Variants in ALDH8A1 observed in about 807,000 individuals in gnomAD.
ALDH8A1 encodes the protein aldehyde dehydrogenase 8 family member A1.
A neutral mutation model predicts 43.3 loss-of-function variants in ALDH8A1; 39 were observed. The ratio of observed to expected loss-of-function variants is 0.90; its 90% CI spans 0.70 to 1.18. The LOEUF is 1.18. Ranked by LOEUF, ALDH8A1 falls within the 50% of genes most tolerant of loss-of-function variation. The pLI, the probability that ALDH8A1 is intolerant of heterozygous loss-of-function variation, is 0.00. For synonymous variants in ALDH8A1, 233 were observed against 243.5 expected, an observed-to-expected ratio of 0.96 and a Z score of 0.40; for missense variants, 605 against 622.6, an observed-to-expected ratio of 0.97 and a Z score of 0.30.
intron 4 of ALDH8A1, among the ~76,000 whole-genome samples, chr6:134,936,983 G>A (rs1190340097): frequency 6.6e-6 from 1 of 152,032 alleles, no homozygotes; most frequent in Non-Finnish European, 1.5e-5. Flanking sequence ...GCTTGGCAGG[G>A]TGGCAACAAG....
At chr6:134,941,639 C>T (rs751115051) in intron 3 of ALDH8A1, among the ~76,000 whole-genome samples, 4 of 152,094 alleles carry the variant, frequency 2.6e-5, no homozygotes, top group Admixed American at 6.5e-5. Context: ...ATCCGCCAAT[C>T]TTGGCCTCCC....
chr6:134,926,092 A>G (rs1198354660), intron 6 of ALDH8A1, among the ~76,000 whole-genome samples: 1 of 152,196 alleles, frequency 6.6e-6, no homozygotes, highest in South Asian at 2.1e-4. Flanking sequence ...GGGTATGACC[A>G]TACACAGCAT....
rs145223509 is a variant in ALDH8A1 at position 134,948,639 on chromosome 6, G to C, written c.138+1277C>G. ...TTCCTGAGTGATGTTTTGGAAATTG[G>C]ACATGCAGTTTGTATGGTAACCATA... On this transcript the variant is annotated intron_variant, in intron 1 of 6. Transcript: ENST00000265605. Among the ~76,000 whole-genome samples the C allele has an allele frequency of 9.9e-4, 151 of 152,308 alleles. 1 individual carries two copies. The highest frequency in any genetic ancestry group is 3.4e-3 in the Middle Eastern group (1 of 294).
At chr6:134,942,985 T>C (rs1294729502) in intron 2 of ALDH8A1, among the ~76,000 whole-genome samples, 3 of 152,240 alleles carry the variant, frequency 2.0e-5, no homozygotes, top group Non-Finnish European at 4.4e-5. Flanking sequence ...AATGTGTATT[T>C]CATGACCTCC....
chr6:134,928,896 T>C (rs992099886), intron 6 of ALDH8A1, among the ~76,000 whole-genome samples, 158 bp downstream of exon 6: 2 of 152,234 alleles, frequency 1.3e-5, no homozygotes, highest in Non-Finnish European at 2.9e-5. Context: ...ATATCCACAA[T>C]GTTTAGACTC....
intron 3 of ALDH8A1, chr6:134,940,137 T>C (rs1263794032): frequency 6.1e-6 from 2 of 326,812 alleles, no homozygotes; most frequent in Admixed American, 4.0e-5. Flanking sequence ...AATAGCTAGG[T>C]GATGGGTTGA....
chr6:134,929,077 T>C lies in ALDH8A1; in HGVS notation c.988A>G (p.Ile330Val). ...ACTTTCTCCAAATGTGCTTTACTTA[T>C]CAGAGCACCTATGCTCACCAGTGGA... ...SDPLVSIGAL[I>V]SKAHLEKVRS... The change falls in exon 6 of 7, where the codon ATA (isoleucine) becomes GTA (valine). Residue 330 changes from isoleucine to valine, a missense_variant. Transcript: ENST00000265605. The C allele has an allele frequency of 1.2e-6, 2 of 1,614,100 alleles. No homozygotes were observed. Among genetic ancestry groups the C allele is most frequent in the Non-Finnish European group, 1.7e-6 (2 of 1,180,022 alleles).
At chr6:134,939,442 CTGT>C in intron 3 of ALDH8A1, 27 bp from the exon 4 acceptor site, 1 of 1,609,388 alleles carries the variant, frequency 6.2e-7, no homozygotes, top group South Asian at 1.1e-5. Flanking sequence ...GAAGCACTGC[CTGT>C]GACGGCATAC....
intron 5 of ALDH8A1, among the ~76,000 whole-genome samples, chr6:134,931,978 C>T (rs1211939884): frequency 6.6e-6 from 1 of 152,202 alleles, no homozygotes; most frequent in Non-Finnish European, 1.5e-5. Flanking sequence ...CATTTCACTG[C>T]TGTTTCCTTC....
chr6:134,918,924 A>G, intron 6 of ALDH8A1, 57 bp from the exon 7 acceptor site: 2 of 1,545,562 alleles, frequency 1.3e-6, no homozygotes. Context: ...CACACAAATC[A>G]GCAGAAAATT....
chr6:134,928,151 C>T (rs920833199), intron 6 of ALDH8A1, among the ~76,000 whole-genome samples: 20 of 152,164 alleles, frequency 1.3e-4, no homozygotes, highest in African/African-American at 4.6e-4. Context: ...CCTGACCTAC[C>T]GCGAGATTAT....
In ALDH8A1 at chr6:134,918,581, C is replaced by G; in HGVS notation, c.1298G>C (p.Arg433Pro). The change falls in exon 7 of 7, where the codon CGG becomes CCG. Residue 433 changes from arginine to proline, a missense_variant. By Grantham distance (103) the Arg-to-Pro change is moderately radical. Coordinates refer to ENST00000265605, the MANE Select transcript of ALDH8A1 (RefSeq NM_022568.4). ...GCCAGACTGCAGCTTCTTAGCCACC[C>G]GGTGGACGCGCCCCACATTGCTGGA... ...VWSSNVGRVHRVAKKLQSGLV... is the reference protein window; with the variant it reads ...VWSSNVGRVHPVAKKLQSGLV... The G allele has an allele frequency of 6.2e-7, 1 of 1,614,184 alleles. No individual in the cohort carries two copies. The highest frequency in any genetic ancestry group is 2.2e-5 in the East Asian group (1 of 44,876).
chr6:134,934,343 A>C (rs1773691328), intron 4 of ALDH8A1, among the ~76,000 whole-genome samples: 1 of 152,200 alleles, frequency 6.6e-6, no homozygotes, highest in Non-Finnish European at 1.5e-5. Context: ...TCTAAAAAAC[A>C]AGAAATGGAT....
intron 4 of ALDH8A1, among the ~76,000 whole-genome samples, chr6:134,936,477 C>T (rs570607410): frequency 9.5e-4 from 145 of 152,282 alleles, no homozygotes; most frequent in African/African-American, 3.4e-3. Flanking sequence ...CTGGGTAGGG[C>T]CCCACATCTC....
At chr6:134,943,780 G>A (rs370525167) in intron 2 of ALDH8A1, 39 bp downstream of exon 2, 8 of 1,604,850 alleles carry the variant, frequency 5.0e-6, no homozygotes, top group African/African-American at 2.7e-5. Flanking sequence ...AATCAGAGAT[G>A]CCCTGAGTCC....
chr6:134,929,005 C>T, intron 6 of ALDH8A1, 49 bp downstream of exon 6: 2 of 1,597,176 alleles, frequency 1.3e-6, no homozygotes, highest in Non-Finnish European at 1.7e-6. Flanking sequence ...CTGAGCTTCT[C>T]TTCAAATAAG....
chr6:134,936,504 T>G (rs1391267728), intron 4 of ALDH8A1, among the ~76,000 whole-genome samples: 1 of 152,166 alleles, frequency 6.6e-6, no homozygotes, highest in Admixed American at 6.5e-5. Flanking sequence ...TGATGGGGCA[T>G]GCATGTGGGT....
At chr6:134,942,698 C>A in intron 2 of ALDH8A1, 134 bp from the exon 3 acceptor site, 1 of 824,148 alleles carries the variant, frequency 1.2e-6, no homozygotes, top group Non-Finnish European at 1.8e-6. Flanking sequence ...CATTCCTTGA[C>A]CTCACAAAGA....
At position 134,942,568 on chromosome 6, in the gene ALDH8A1, T is replaced by C; in HGVS notation, c.287-4A>G. The C allele has an allele frequency of 6.2e-7, 1 of 1,612,574 alleles. No individual in the cohort carries two copies. Among genetic ancestry groups the C allele is most frequent in the South Asian group, 1.1e-5 (1 of 90,854 alleles). ...CTTGCCAGTGCTAAGGTTTTCCCTGTAAGAAGCAAACAACATAAAGCACTA... is the reference window on the plus strand; with the variant it reads ...CTTGCCAGTGCTAAGGTTTTCCCTGCAAGAAGCAAACAACATAAAGCACTA... On this transcript the variant is annotated splice_region_variant and splice_polypyrimidine_tract_variant and intron_variant, in intron 2 of 6. Coordinates refer to ENST00000265605, the MANE Select transcript of ALDH8A1 (RefSeq NM_022568.4).
Sources: gnomAD v4.1 joint callset for allele counts (sites outside exome capture counted in the v4.1 genomes callset) on GRCh38, gnomAD v4.1.1 for gene constraint, MANE v1.5 for transcripts, NCBI Gene and HGNC (gene_info 2026-07-23, HGNC 2026-07-21) for gene names.